ZMYM1: variants seen among roughly 807,000 people sequenced by gnomAD.
The protein encoded by ZMYM1 is zinc finger MYM-type containing 1, also known as zinc finger MYM-type protein 1.
Under a neutral mutation model 60.0 loss-of-function variants are expected in ZMYM1, and 39 were observed. That is an observed-to-expected ratio of 0.65 (90% CI 0.50 to 0.85). The LOEUF (loss-of-function observed/expected upper bound fraction) is 0.85. Among genes scored for constraint, ZMYM1 ranks in the 40% least tolerant of loss-of-function variants. ZMYM1 has a pLI of 0.00. For synonymous variants in ZMYM1, 413 were observed against 454.0 expected (o/e 0.91, Z 1.15); for missense variants, 1,171 against 1,309.5 (o/e 0.89, Z 1.63).
chr1:35,095,943 GAT>G lies in ZMYM1; in HGVS notation c.169+53_169+54del, dbSNP rs753250492. The G allele has an allele frequency of 8.3e-6, 11 of 1,328,368 alleles. No individual in the cohort carries two copies. The African/African-American group carries it at 1.6e-4, about 19-fold the overall frequency. 82.3% of individuals were successfully genotyped at this position (1,328,368 alleles called of 1,614,324 possible). On this transcript the variant is annotated intron_variant, in intron 3 of 9. Coordinates refer to ENST00000359858, the MANE Select transcript of ZMYM1 (RefSeq NM_024772.5). ...GTTTATTCAGACCAATACGACAGCT[GAT>G]TCATTCTTTTTTAATGCCTTTGAAT...
At chr1:35,066,028 G>T (rs1641966418) in intron 1 of ZMYM1, among the ~76,000 whole-genome samples, 2 of 151,952 alleles carry the variant, frequency 1.3e-5, no homozygotes. Context: ...TAAATAAATT[G>T]AATTCGTAGT....
intron 1 of ZMYM1, among the ~76,000 whole-genome samples, chr1:35,073,534 G>T (rs1322331898): frequency 1.3e-5 from 2 of 148,764 alleles, no homozygotes; most frequent in Non-Finnish European, 3.0e-5. Context: ...CTTCACGCCA[G>T]CCTAGGTGAT....
chr1:35,110,465 A>T lies in ZMYM1; in HGVS notation c.961+18A>T, dbSNP rs758252957. ...TTCTTCAGGTAATGTTTGTTTAGCA[A>T]TTGTAGGGGTTTAGTAATTATTAAT... On this transcript the variant is annotated intron_variant, in intron 7 of 9. Coordinates refer to ENST00000359858, the MANE Select transcript of ZMYM1 (RefSeq NM_024772.5). The T allele has an allele frequency of 3.2e-5, 46 of 1,436,848 alleles. No homozygotes were observed. The highest frequency in any genetic ancestry group is 4.4e-5 in the African/African-American group (3 of 67,912). 89.0% of individuals were successfully genotyped at this position (1,436,848 alleles called of 1,614,324 possible). A position where few individuals can be genotyped will look rare whatever the true frequency, so the allele number is the denominator to read the frequency against.
In ZMYM1 at chr1:35,094,065, A is replaced by T. The variant is rs774607021; in HGVS notation, c.78A>T (p.Thr26=). ...TGGGGCTGCTAGATGAAATTAAGAC[A>T]GAACCCGACAATGCTCAAGTAAATA... The part of the protein sequence containing the change: ...SQLGLLDEIK[T]EPDNAQEYCH... The change falls in exon 2 of 10, where the codon ACA becomes ACT. Residue 26 remains threonine, a synonymous_variant. Coordinates refer to ENST00000359858, the MANE Select transcript of ZMYM1 (RefSeq NM_024772.5). 1 of 1,609,926 alleles carries T rather than the reference A, an allele frequency of 6.2e-7. No individual in the cohort carries two copies. Among genetic ancestry groups the T allele is most frequent in the Admixed American group, 1.7e-5 (1 of 59,494 alleles).
chr1:35,116,478 A>G (rs1284301528), downstream of ZMYM1, among the ~76,000 whole-genome samples: 1 of 152,202 alleles, frequency 6.6e-6, no homozygotes. Flanking sequence ...TTGTTTTGAG[A>G]TGGAGTTTTG....
chr1:35,064,528 T>G (rs917935861), intron 1 of ZMYM1, among the ~76,000 whole-genome samples: 5 of 151,862 alleles, frequency 3.3e-5, no homozygotes, highest in African/African-American at 1.2e-4. Context: ...GAGGAACATT[T>G]ACCGAAATAG....
intron 1 of ZMYM1, 65 bp from the exon 2 acceptor site, chr1:35,093,849 A>G (rs746556863): frequency 1.0e-5 from 6 of 580,166 alleles, no homozygotes; most frequent in Non-Finnish European, 1.7e-5. Flanking sequence ...TTGTGGTTCT[A>G]GAAAATTACC....
chr1:35,087,992 G>A (rs1039921498), intron 1 of ZMYM1, among the ~76,000 whole-genome samples: 7 of 151,990 alleles, frequency 4.6e-5, no homozygotes, highest in Non-Finnish European at 1.0e-4. Flanking sequence ...CCTGGGAGGC[G>A]GAGGTTGCAG....
Position 35,095,821 on chromosome 1 carries a change from G to T in ZMYM1, c.99G>T (p.Glu33Asp). 1.3e-6 allele frequency: 2 copies of T among 1,587,478 alleles called. No individual in the cohort carries two copies. The highest frequency in any genetic ancestry group is 8.6e-7 in the Non-Finnish European group (1 of 1,167,866). Reference sequence around the variant, plus strand: ...TATTATTTTTTTTTTCTTTTTAGGAGTATTGTCATAGGCAACAGTCCAGAA... The same window carrying T: ...TATTATTTTTTTTTTCTTTTTAGGATTATTGTCATAGGCAACAGTCCAGAA... ...EIKTEPDNAQ[E>D]YCHRQQSRTQ... is the part of the protein sequence containing the mutation. The change falls in exon 3 of 10, where the codon GAG becomes GAT. Residue 33 changes from glutamate (E) to aspartate (D), a missense_variant and splice_region_variant. Coordinates refer to ENST00000359858, the MANE Select transcript of ZMYM1 (RefSeq NM_024772.5).
intron 3 of ZMYM1, 116 bp from the exon 4 acceptor site, chr1:35,097,201 A>G (rs968122619): frequency 1.6e-6 from 2 of 1,217,610 alleles, no homozygotes; most frequent in African/African-American, 3.0e-5. Flanking sequence ...TAGAGTGCAA[A>G]AGAGGGCAAC....
chr1:35,097,684 G>C, intron 4 of ZMYM1, 118 bp downstream of exon 4: 1 of 1,304,100 alleles, frequency 7.7e-7, no homozygotes, highest in Non-Finnish European at 1.1e-6. Context: ...GACTCTTGTT[G>C]CCCAGGCTGG....
intron 7 of ZMYM1, among the ~76,000 whole-genome samples, chr1:35,110,962 T>TA (rs1644067452): frequency 6.6e-6 from 1 of 152,022 alleles, no homozygotes; most frequent in Non-Finnish European, 1.5e-5. Context: ...AATTAAAAGA[T>TA]ACATGTCTTT....
chr1:35,111,550 A>G (rs563256083), intron 7 of ZMYM1, among the ~76,000 whole-genome samples: 2 of 152,352 alleles, frequency 1.3e-5, no homozygotes, highest in Admixed American at 6.5e-5. Flanking sequence ...GGTAAAAGAC[A>G]TAAAATGTTG....
At chr1:35,084,704 C>T (rs1326660253) in intron 1 of ZMYM1, among the ~76,000 whole-genome samples, 1 of 152,192 alleles carries the variant, frequency 6.6e-6, no homozygotes, top group Non-Finnish European at 1.5e-5. Flanking sequence ...CTTATTAGCT[C>T]TTTGACGTTT....
intron 1 of ZMYM1, among the ~76,000 whole-genome samples, chr1:35,069,499 T>C (rs1264949193): frequency 6.6e-6 from 1 of 152,234 alleles, no homozygotes; most frequent in African/African-American, 2.4e-5. Flanking sequence ...TTTTGTCAGA[T>C]GTATAGTTTG....
intron 6 of ZMYM1, 127 bp from the exon 7 acceptor site, chr1:35,110,167 A>C: frequency 1.5e-6 from 1 of 687,802 alleles, no homozygotes; most frequent in Non-Finnish European, 2.1e-6. Flanking sequence ...CTTTTTAAGA[A>C]AATGTAAAAA....
intron 4 of ZMYM1, among the ~76,000 whole-genome samples, chr1:35,103,412 T>C (rs926929099): frequency 1.3e-5 from 2 of 152,212 alleles, no homozygotes; most frequent in Non-Finnish European, 2.9e-5. Context: ...CAGTGACTTT[T>C]TGTGTCTGGT....
At chr1:35,076,237 A>G (rs1397244758), upstream of ZMYM1, among the ~76,000 whole-genome samples, 2 of 151,894 alleles carry the variant, frequency 1.3e-5, no homozygotes, top group Admixed American at 6.6e-5. Flanking sequence ...GCAACACTAG[A>G]CCCCCTTCTT....
chr1:35,097,231 A>C (rs1412951891), intron 3 of ZMYM1, 86 bp from the exon 4 acceptor site: 6 of 1,452,226 alleles, frequency 4.1e-6, no homozygotes, highest in Non-Finnish European at 5.6e-6. Flanking sequence ...CCCTGTCTCT[A>C]AAAAAAGAAA....
Sources: gnomAD v4.1 joint callset for allele counts (sites outside exome capture counted in the v4.1 genomes callset) on GRCh38, gnomAD v4.1.1 for gene constraint, MANE v1.5 for transcripts, NCBI Gene and HGNC (gene_info 2026-07-23, HGNC 2026-07-21) for gene names.